Variants in PLK5 observed in about 807,000 individuals in gnomAD.
PLK5 encodes the protein polo like kinase 5 (inactive).
Under a neutral mutation model 33.7 loss-of-function variants are expected in PLK5, and 28 were observed. That is an observed-to-expected ratio of 0.83 (90% CI 0.62 to 1.14). The LOEUF is 1.14. PLK5 is among the 50% of genes most tolerant of loss of function. The probability of loss-of-function intolerance (pLI) is 0.00; values close to 1 mark genes in which losing one functional copy is unlikely to be tolerated. For synonymous variants in PLK5, 225 were observed against 202.2 expected (o/e 1.11, Z -0.96); for missense variants, 492 against 461.5 (o/e 1.07, Z -0.61).
intron 13 of PLK5, among the ~76,000 whole-genome samples, chr19:1,534,251 C>G (rs1225995479): frequency 1.3e-5 from 2 of 151,932 alleles, no homozygotes; most frequent in Admixed American, 6.6e-5. Context: ...GTCCACACCT[C>G]TAATCCCAGT....
At position 1,535,205 on chromosome 19, in the gene PLK5, C is replaced by G. The variant is rs754137222; in HGVS notation, c.966C>G (p.Thr322=). 3 of 1,534,810 alleles carry G rather than the reference C, an allele frequency of 2.0e-6. No individual in the cohort carries two copies. The South Asian group carries it at 3.6e-5, about 18-fold the overall frequency. The change falls in exon 14 of 14, where the codon ACC becomes ACG. Residue 322 remains threonine (T), a synonymous_variant. Transcript: ENST00000454744. ...VPRSHGCAPT[T]GQHLHHALRM... ...GGAGCCACGGCTGCGCCCCCACCACCGGACAGCACCTTCACCACGCCCTCC... is the reference window on the plus strand; with the variant it reads ...GGAGCCACGGCTGCGCCCCCACCACGGGACAGCACCTTCACCACGCCCTCC...
rs772286255 is a variant in PLK5, at chr19:1,528,953, C to A, written c.384C>A (p.Asp128Glu). 6.6e-7 allele frequency: 1 copy of A among 1,519,306 alleles called. No individual in the cohort carries two copies. The highest frequency in any genetic ancestry group is 1.2e-5 in the South Asian group (1 of 82,022). 94.1% of individuals were successfully genotyped at this position (1,519,306 alleles called of 1,614,324 possible). A position where few individuals can be genotyped will look rare whatever the true frequency, so the allele number is the denominator to read the frequency against. ...CAGGAGAAGGTGGGCCAGACCCTGA[C>A]TCCATGGAGTGGGACGGCGAGGTGA... ...SGPGEGGPDP[D>E]SMEWDGESSL... The change falls in exon 9 of 14, where the codon GAC (aspartate) becomes GAA (glutamate). Residue 128 changes from aspartate to glutamate, a missense_variant. Coordinates refer to ENST00000454744, the MANE Select transcript of PLK5 (RefSeq NM_001243079.2).
At position 1,535,214 on chromosome 19, in the gene PLK5, C is replaced by T. The variant is rs1035761693; in HGVS notation, c.975C>T (p.His325=). 1 of 1,535,982 alleles carries T rather than the reference C, an allele frequency of 6.5e-7. No homozygotes were observed. Among genetic ancestry groups the T allele is most frequent in the South Asian group, 1.2e-5 (1 of 84,044 alleles). ...GCTGCGCCCCCACCACCGGACAGCA[C>T]CTTCACCACGCCCTCCGCATGCTGC... The part of the protein sequence containing the change: ...SHGCAPTTGQ[H]LHHALRMLQS... Residue 325 remains histidine (H), a synonymous_variant, in exon 14 of 14, where the codon CAC becomes CAT. Coordinates refer to ENST00000454744, the MANE Select transcript of PLK5 (RefSeq NM_001243079.2).
In PLK5 at chr19:1,524,100, G is replaced by C. The variant is rs1429226447; in HGVS notation, c.-690G>C. ...TCAGAGCGGCCCCGGAGCGGCCGCA[G>C]CGCGGTGGTCTCGGCCCGGCTGCGC... On this transcript the variant is annotated 5_prime_UTR_variant, in exon 1 of 14. Coordinates refer to ENST00000454744, the MANE Select transcript of PLK5 (RefSeq NM_001243079.2). The surrounding 1 kb of genome is among the most constrained non-coding windows in gnomAD (Gnocchi z 4.5). 1 of 151,176 alleles carries C rather than the reference G, an allele frequency of 6.6e-6. No individual in the cohort carries two copies. The highest frequency in any genetic ancestry group is 2.1e-4 in the South Asian group (1 of 4,834). The allele number at this position is 151,176 out of a possible 1,614,324, so 9.4% of individuals were successfully genotyped here.
chr19:1,529,670 T>C (rs913777382), intron 10 of PLK5, 77 bp from the exon 11 acceptor site: 1 of 1,452,914 alleles, frequency 6.9e-7, no homozygotes, highest in Non-Finnish European at 9.3e-7. Flanking sequence ...GATGGAGCCG[T>C]GGGGAGGGGG....
At chr19:1,527,564 G>A (rs1211920472) in intron 6 of PLK5, among the ~76,000 whole-genome samples, 2 of 151,870 alleles carry the variant, frequency 1.3e-5, no homozygotes, top group African/African-American at 2.4e-5. Context: ...ATTGCACAAC[G>A]GCACTCCAGC....
At chr19:1,534,162 A>G in intron 13 of PLK5, 121 bp downstream of exon 13, 14 of 729,898 alleles carry the variant, frequency 1.9e-5, no homozygotes, top group South Asian at 3.7e-5. Flanking sequence ...CAGGAAAAAA[A>G]AAAAAAAAAA....
At chr19:1,532,940 A>G (rs1353397585) in intron 12 of PLK5, among the ~76,000 whole-genome samples, 1 of 151,544 alleles carries the variant, frequency 6.6e-6, no homozygotes, top group African/African-American at 2.4e-5. Context: ...TGCTGGGATT[A>G]CAGGCGTGAG....
intron 7 of PLK5, 24 bp downstream of exon 7, chr19:1,528,158 G>A (rs1223718408): frequency 1.3e-6 from 2 of 1,522,964 alleles, no homozygotes; most frequent in Non-Finnish European, 1.8e-6. Context: ...CTCGGCGTGG[G>A]GTCCCTGGCG....
chr19:1,529,723 C>T lies in PLK5; in HGVS notation c.491-24C>T, dbSNP rs1484463128. On this transcript the variant is annotated intron_variant, in intron 10 of 13. Transcript: ENST00000454744. ...GGTGGTGGGAACCCAGACCTGTCTGCGGCACAAAGACCTGTCTTCCCAGGG... is the reference window on the plus strand; with the variant it reads ...GGTGGTGGGAACCCAGACCTGTCTGTGGCACAAAGACCTGTCTTCCCAGGG... 1.5e-5 allele frequency: 23 copies of T among 1,535,232 alleles called. 1 individual carries two copies. Among genetic ancestry groups the T allele is most frequent in the South Asian group, 1.3e-4 (11 of 84,058 alleles).
chr19:1,535,227 C>T lies in PLK5; in HGVS notation c.988C>T (p.Leu330Phe), dbSNP rs1713129434. 3.9e-6 allele frequency: 6 copies of T among 1,535,864 alleles called. No individual in the cohort carries two copies. The highest frequency in any genetic ancestry group is 2.0e-5 in the Admixed American group (1 of 50,938). Reference sequence around the variant, plus strand: ...CACCGGACAGCACCTTCACCACGCCCTCCGCATGCTGCAGAGTATCTAGTG... The same window carrying T: ...CACCGGACAGCACCTTCACCACGCCTTCCGCATGCTGCAGAGTATCTAGTG... ...PTTGQHLHHALRMLQSI is the reference protein window; with the variant it reads ...PTTGQHLHHAFRMLQSI Residue 330 changes from leucine to phenylalanine, a missense_variant, in exon 14 of 14, where the codon CTC becomes TTC. Coordinates refer to ENST00000454744, the MANE Select transcript of PLK5 (RefSeq NM_001243079.2).
At chr19:1,534,685 C>T (rs375483657) in intron 13 of PLK5, among the ~76,000 whole-genome samples, 23 of 142,616 alleles carry the variant, frequency 1.6e-4, no homozygotes, top group African/African-American at 2.9e-4. Flanking sequence ...GGCGTGGTGG[C>T]GGGCGCCTGT....
rs60552550 is a variant in PLK5, at chr19:1,533,855, G to A, written c.715-76G>A. The A allele has an allele frequency of 4.1e-3, 4,931 of 1,209,216 alleles. 212 individuals are homozygous for A. The East Asian group carries it at 0.092, about 23-fold the overall frequency. The allele number at this position is 1,209,216 out of a possible 1,614,324, so 74.9% of individuals were successfully genotyped here. Reference sequence around the variant, plus strand: ...GCGGCGGCGGCTGCGGGAGGTGAGAGCTGGGGTGCTGGGTGTGGGGGCGAG... The same window carrying A: ...GCGGCGGCGGCTGCGGGAGGTGAGAACTGGGGTGCTGGGTGTGGGGGCGAG... On this transcript the variant is annotated intron_variant, in intron 12 of 13. Coordinates refer to ENST00000454744, the MANE Select transcript of PLK5 (RefSeq NM_001243079.2).
At position 1,526,906 on chromosome 19, in the gene PLK5, A is replaced by T; in HGVS notation, c.-91A>T. On this transcript the variant is annotated 5_prime_UTR_variant, in exon 6 of 14. Transcript: ENST00000454744. The stretch of plus-strand genomic sequence containing the variant: ...CCCCCCATGACGCCCTTCCTAGAGT[A>T]CTCTGTGGGACCCCTAACTTCCTGG... The T allele has an allele frequency of 1.4e-6, 2 of 1,449,426 alleles. No individual in the cohort carries two copies. Among genetic ancestry groups the T allele is most frequent in the Non-Finnish European group, 9.4e-7 (1 of 1,068,692 alleles). 89.8% of individuals were successfully genotyped at this position (1,449,426 alleles called of 1,614,324 possible). A position where few individuals can be genotyped will look rare whatever the true frequency, so the allele number is the denominator to read the frequency against.
In PLK5 at chr19:1,526,988, G is replaced by A; in HGVS notation, c.-9G>A. On this transcript the variant is annotated 5_prime_UTR_variant, in exon 6 of 14. Transcript: ENST00000454744. ...CTGCCAGTAGGACATCTGGGCTCTG[G>A]GCTGCATCATGTGAGTGGGGTCCTG... is the stretch of plus-strand genomic sequence containing the variant. The A allele has an allele frequency of 3.9e-6, 6 of 1,535,328 alleles. No homozygotes were observed. In the South Asian group the frequency reaches 7.1e-5, roughly 18 times the overall value.
chr19:1,525,916 T>G (rs549355115), intron 3 of PLK5, among the ~76,000 whole-genome samples: 1 of 152,332 alleles, frequency 6.6e-6, no homozygotes, highest in East Asian at 1.9e-4. Flanking sequence ...TTGATCCACC[T>G]GGGCCCAGCT....
Position 1,526,899 on chromosome 19 carries a change from C to G in PLK5, c.-94-4C>G, listed in dbSNP as rs912845616. 3 of 1,431,532 alleles carry G rather than the reference C, an allele frequency of 2.1e-6. No homozygotes were observed. Among genetic ancestry groups the G allele is most frequent in the African/African-American group, 1.4e-5 (1 of 70,840 alleles). The allele number at this position is 1,431,532 out of a possible 1,614,324, so 88.7% of individuals were successfully genotyped here. On this transcript the variant is annotated splice_region_variant and splice_polypyrimidine_tract_variant and intron_variant, in intron 5 of 13. Transcript: ENST00000454744. ...TCCTGAGCCCCCCATGACGCCCTTC[C>G]TAGAGTACTCTGTGGGACCCCTAAC...
At chr19:1,529,102 C>G (rs1040469319) in intron 9 of PLK5, 128 bp downstream of exon 9, 1 of 792,936 alleles carries the variant, frequency 1.3e-6, no homozygotes, top group Non-Finnish European at 1.9e-6. Flanking sequence ...CCCCCTCCCC[C>G]TAGTCCCGTC....
At position 1,526,884 on chromosome 19, in the gene PLK5, C is replaced by T; in HGVS notation, c.-94-19C>T. 7.5e-7 allele frequency: 1 copy of T among 1,327,718 alleles called. No homozygotes were observed. The highest frequency in any genetic ancestry group is 1.0e-6 in the Non-Finnish European group (1 of 958,480). The allele number at this position is 1,327,718 out of a possible 1,614,324, so 82.2% of individuals were successfully genotyped here. ...CGGGGATCCCAGCCTTCCTGAGCCCCCCATGACGCCCTTCCTAGAGTACTC... is the reference window on the plus strand; with the variant it reads ...CGGGGATCCCAGCCTTCCTGAGCCCTCCATGACGCCCTTCCTAGAGTACTC... On this transcript the variant is annotated intron_variant, in intron 5 of 13. Coordinates refer to ENST00000454744, the MANE Select transcript of PLK5 (RefSeq NM_001243079.2).
Sources: allele counts gnomAD v4.1 joint callset (sites outside exome capture counted in the v4.1 genomes callset), GRCh38; gene constraint gnomAD v4.1.1; non-coding constraint Gnocchi (gnomAD v3.1); transcripts MANE v1.5; gene names NCBI Gene and HGNC (gene_info 2026-07-23, HGNC 2026-07-21).